The following MALRD1 variants were observed in gnomAD, a reference collection of about 807,000 sequenced individuals.
MALRD1 encodes the protein MAM and LDL-receptor class A domain-containing protein 1.
MALRD1 carries 247 observed loss-of-function variants against 242.1 expected under a neutral mutation model. The observed-to-expected ratio is 1.02, with a 90% CI of 0.92 to 1.13. MALRD1 has a LOEUF of 1.13. MALRD1 is among the 50% of genes most tolerant of loss of function. The pLI, the probability that MALRD1 is intolerant of heterozygous loss-of-function variation, is 0.00. For synonymous variants in MALRD1, 995 were observed against 866.6 expected (o/e 1.15, Z -2.60); for missense variants, 2,989 against 2,533.1 (o/e 1.18, Z -3.86).
In MALRD1 at chr10:19,128,214, C is replaced by G. The variant is rs1275645224; in HGVS notation, c.944-7C>G. On this transcript the variant is annotated splice_region_variant and splice_polypyrimidine_tract_variant and intron_variant, in intron 7 of 39. Coordinates refer to ENST00000454679, the MANE Select transcript of MALRD1 (RefSeq NM_001142308.3). Reference sequence around the variant, plus strand: ...CTAAATTGCTTCTTTTTTCTTTTATCTTTCAGGTTATTATGTATGGGTAGG... The same window carrying G: ...CTAAATTGCTTCTTTTTTCTTTTATGTTTCAGGTTATTATGTATGGGTAGG... 8.1e-7 allele frequency: 1 copy of G among 1,232,768 alleles called. No individual in the cohort carries two copies. The highest frequency in any genetic ancestry group is 1.0e-6 in the Non-Finnish European group (1 of 987,354). The allele number at this position is 1,232,768 out of a possible 1,614,324, so 76.4% of individuals were successfully genotyped here. A position where few individuals can be genotyped will look rare whatever the true frequency, so the allele number is the denominator to read the frequency against.
rs564876149 is a variant in MALRD1, at chr10:19,426,785, A to T, written c.4846-23522A>T. On this transcript the variant is annotated intron_variant, in intron 28 of 39. Transcript: ENST00000454679. ...GCCACTGCACTCCAGCCTGGGCTCC[A>T]TCTCAAAACAAACAAACAAAAACAT... Among the ~76,000 whole-genome samples, 7 of 152,322 alleles carry T rather than the reference A, an allele frequency of 4.6e-5. No individual in the cohort carries two copies. The South Asian group carries it at 1.0e-3, about 23-fold the overall frequency.
intron 14 of MALRD1, among the ~76,000 whole-genome samples, chr10:19,190,949 C>G (rs1358466239): frequency 6.6e-6 from 1 of 152,026 alleles, no homozygotes; most frequent in Non-Finnish European, 1.5e-5. Context: ...AAAAAATAGA[C>G]AAATTGGACT....
At chr10:19,393,166 T>C (rs1265289550) in intron 28 of MALRD1, among the ~76,000 whole-genome samples, 4 of 152,188 alleles carry the variant, frequency 2.6e-5, no homozygotes, top group Admixed American at 2.0e-4. Context: ...CTGGGCCCTA[T>C]CTTTTTCTGA....
chr10:19,693,597 C>A (rs1236876859), intron 38 of MALRD1, among the ~76,000 whole-genome samples: 1 of 152,150 alleles, frequency 6.6e-6, no homozygotes, highest in Non-Finnish European at 1.5e-5. Context: ...AATGGAAGAA[C>A]CTTCCATGCT....
chr10:19,335,413 G>A (rs1843563105), intron 24 of MALRD1, among the ~76,000 whole-genome samples: 2 of 151,936 alleles, frequency 1.3e-5, no homozygotes, highest in Admixed American at 1.3e-4. Context: ...AAGTTCAACT[G>A]TGTTTCCAGT....
intron 39 of MALRD1, among the ~76,000 whole-genome samples, chr10:19,731,212 T>C (rs1308295431): frequency 6.6e-6 from 1 of 152,200 alleles, no homozygotes; most frequent in East Asian, 1.9e-4. Context: ...GTGAGGGCCA[T>C]TACCTGATAA....
intron 36 of MALRD1, among the ~76,000 whole-genome samples, chr10:19,684,742 A>G (rs571981904): frequency 6.6e-6 from 1 of 152,280 alleles, no homozygotes; most frequent in East Asian, 1.9e-4. Flanking sequence ...ACAGAGCAAG[A>G]CTCTAACTCA....
intron 32 of MALRD1, among the ~76,000 whole-genome samples, chr10:19,533,292 T>C (rs1834509856): frequency 6.6e-6 from 1 of 152,206 alleles, no homozygotes; most frequent in African/African-American, 2.4e-5. Flanking sequence ...CTGACTTTGG[T>C]GCTTACTGGT....
chr10:19,455,441 G>T (rs144422319), intron 29 of MALRD1, among the ~76,000 whole-genome samples: 1 of 152,222 alleles, frequency 6.6e-6, no homozygotes, highest in African/African-American at 2.4e-5. Flanking sequence ...AGACCACTAG[G>T]TGTTAGTCCT....
rs564377703 is a variant in MALRD1, at chr10:19,127,747, GC to G, written c.944-473del. Reference sequence around the variant, plus strand: ...TGTAGATATCTCATACCTCTATGTGGCTTGGTAAGAAAGAAGACATTTTAAG... The same window carrying G: ...TGTAGATATCTCATACCTCTATGTGGTTGGTAAGAAAGAAGACATTTTAAG... On this transcript the variant is annotated intron_variant, in intron 7 of 39. Coordinates refer to ENST00000454679, the MANE Select transcript of MALRD1 (RefSeq NM_001142308.3). Among the ~76,000 whole-genome samples, 249 of 152,114 alleles carry G rather than the reference GC, an allele frequency of 1.6e-3. No homozygotes were observed. The South Asian group carries it at 0.018, about 11-fold the overall frequency.
chr10:19,680,507 C>G (rs183826407), intron 36 of MALRD1, among the ~76,000 whole-genome samples: 21 of 152,230 alleles, frequency 1.4e-4, no homozygotes, highest in African/African-American at 4.6e-4. Context: ...TCCCTCCATA[C>G]TTTATTTTGA....
intron 31 of MALRD1, among the ~76,000 whole-genome samples, chr10:19,513,297 C>G (rs550009637): frequency 6.6e-6 from 1 of 152,180 alleles, no homozygotes; most frequent in Non-Finnish European, 1.5e-5. Flanking sequence ...TCCTTTCTCA[C>G]TACGTGATCT....
At chr10:19,205,396 G>A (rs1836740763) in intron 17 of MALRD1, 131 bp downstream of exon 17, 2 of 1,095,440 alleles carry the variant, frequency 1.8e-6, no homozygotes, top group South Asian at 1.7e-5. Flanking sequence ...GTTATGTGTG[G>A]TTAATTAGTC....
intron 32 of MALRD1, among the ~76,000 whole-genome samples, chr10:19,541,121 A>G (rs923530971): frequency 6.6e-6 from 1 of 152,220 alleles, no homozygotes; most frequent in African/African-American, 2.4e-5. Context: ...TGGCACTATC[A>G]GTATTCTGTC....
intron 18 of MALRD1, among the ~76,000 whole-genome samples, chr10:19,235,766 G>T (rs1481101292): frequency 6.6e-6 from 1 of 152,100 alleles, no homozygotes; most frequent in Non-Finnish European, 1.5e-5. Flanking sequence ...GATCATTCAG[G>T]ATTCTGGTGG....
chr10:19,493,445 A>T (rs1234808957), intron 30 of MALRD1: 1 of 152,138 alleles, frequency 6.6e-6, no homozygotes, highest in African/African-American at 2.4e-5. Context: ...TATTTCTTTC[A>T]TAGTATGTAC....
At chr10:19,085,831 A>T (rs1835651509) in intron 2 of MALRD1, among the ~76,000 whole-genome samples, 1 of 151,928 alleles carries the variant, frequency 6.6e-6, no homozygotes, top group South Asian at 2.1e-4. Context: ...AATAAAAATA[A>T]TTTTTCTGTT....
At chr10:19,633,339 G>T (rs891658722) in intron 36 of MALRD1, among the ~76,000 whole-genome samples, 3 of 152,150 alleles carry the variant, frequency 2.0e-5, no homozygotes, top group African/African-American at 7.2e-5. Flanking sequence ...AATTAACTTC[G>T]AGGGGACTTC....
At chr10:19,452,273 T>C (rs952927788) in intron 29 of MALRD1, among the ~76,000 whole-genome samples, 8 of 152,196 alleles carry the variant, frequency 5.3e-5, no homozygotes, top group African/African-American at 1.9e-4. Flanking sequence ...GCTTTGCTAG[T>C]CTCATGTAGA....
Sources: allele counts gnomAD v4.1 joint callset (sites outside exome capture counted in the v4.1 genomes callset), GRCh38; gene constraint gnomAD v4.1.1; transcripts MANE v1.5; gene names NCBI Gene and HGNC (gene_info 2026-07-23, HGNC 2026-07-21).